Variants in MRTFB observed in about 807,000 individuals in gnomAD.
MRTFB encodes the protein myocardin-related transcription factor B.
In MRTFB, 29 loss-of-function variants were observed where a neutral mutation model predicts 104.2. The ratio of observed to expected loss-of-function variants is 0.28; its 90% CI spans 0.21 to 0.38. The LOEUF is 0.38. Among genes scored for constraint, MRTFB ranks in the 10% least tolerant of loss-of-function variants. The pLI, the probability that MRTFB is intolerant of heterozygous loss-of-function variation, is 1.00. For synonymous variants in MRTFB, 535 were observed against 519.5 expected, an observed-to-expected ratio of 1.03 and a Z score of -0.41; for missense variants, 1,270 against 1,341.6, an observed-to-expected ratio of 0.95 and a Z score of 0.83.
chr16:14,220,049 C>T (rs920816593), intron 8 of MRTFB, among the ~76,000 whole-genome samples: 10 of 152,184 alleles, frequency 6.6e-5, no homozygotes, highest in African/African-American at 2.4e-4. Context: ...TTGGACTCAT[C>T]AGTGGTAGTG....
intron 2 of MRTFB, among the ~76,000 whole-genome samples, chr16:14,085,632 A>G (rs1031159397): frequency 8.5e-5 from 13 of 152,078 alleles, no homozygotes; most frequent in Non-Finnish European, 1.8e-4. Flanking sequence ...GTTTACATCC[A>G]GCACCTAATA....
chr16:14,101,251 A>G (rs906648998), intron 2 of MRTFB, among the ~76,000 whole-genome samples: 1 of 151,880 alleles, frequency 6.6e-6, no homozygotes, highest in Admixed American at 6.6e-5. Context: ...AAGTTAAGAC[A>G]CAAAGTTAAG....
At chr16:14,010,816 G>T in the MRTFB span, among the ~76,000 whole-genome samples, 2 of 152,216 alleles carry the variant, frequency 1.3e-5, no homozygotes, top group African/African-American at 2.4e-5. Flanking sequence ...AAATTAAATA[G>T]CATTAAACAT....
intron 3 of MRTFB, among the ~76,000 whole-genome samples, chr16:14,166,215 TTC>T (rs1370352626): frequency 6.4e-5 from 9 of 140,334 alleles, no homozygotes; most frequent in African/African-American, 2.7e-4. Context: ...GGGTTTTCTT[TTC>T]TTTTTTTTTT....
At chr16:14,173,710 A>G (rs186459931) in intron 3 of MRTFB, among the ~76,000 whole-genome samples, 2 of 152,290 alleles carry the variant, frequency 1.3e-5, no homozygotes, top group African/African-American at 2.4e-5. Context: ...TGCATGTAAA[A>G]TAGAACTTTT....
chr16:14,076,379 GA>G (rs2034053993), intron 1 of MRTFB, among the ~76,000 whole-genome samples: 2 of 152,058 alleles, frequency 1.3e-5, no homozygotes, highest in African/African-American at 4.8e-5. Flanking sequence ...ATTTTTAGTA[GA>G]GATGGCGTTT....
chr16:14,250,170 A>AT (rs1210684733), intron 13 of MRTFB, among the ~76,000 whole-genome samples: 1 of 152,202 alleles, frequency 6.6e-6, no homozygotes, highest in African/African-American at 2.4e-5. Flanking sequence ...AAAGGAAGTA[A>AT]TTTTTTACCA....
the MRTFB span, among the ~76,000 whole-genome samples, chr16:14,039,760 CTTTTTT>C: frequency 8.2e-6 from 1 of 121,938 alleles, no homozygotes; most frequent in African/African-American, 3.1e-5. Flanking sequence ...ATAATATGTT[CTTTTTT>C]TTTTTTTTTT....
chr16:14,016,717 G>A, the MRTFB span, among the ~76,000 whole-genome samples: 2 of 141,744 alleles, frequency 1.4e-5, no homozygotes, highest in East Asian at 2.1e-4. Flanking sequence ...AGGTTGCGGC[G>A]AGCCGAGATC....
intron 2 of MRTFB, among the ~76,000 whole-genome samples, chr16:14,090,803 G>A (rs2035010159): frequency 6.6e-6 from 1 of 152,028 alleles, no homozygotes; most frequent in Non-Finnish European, 1.5e-5. Flanking sequence ...ATAGAGGTGT[G>A]ACGACTCTGA....
chr16:14,102,891 C>T (rs888229813), intron 2 of MRTFB, among the ~76,000 whole-genome samples: 3 of 152,118 alleles, frequency 2.0e-5, no homozygotes, highest in Admixed American at 2.0e-4. Context: ...CATGCTGTTG[C>T]ATTAGCTTTA....
the MRTFB span, among the ~76,000 whole-genome samples, chr16:14,059,631 A>G: frequency 6.6e-6 from 1 of 152,192 alleles, no homozygotes; most frequent in Non-Finnish European, 1.5e-5. Flanking sequence ...TGAGTGTCCA[A>G]GGATTATGCC....
intron 13 of MRTFB, among the ~76,000 whole-genome samples, chr16:14,250,786 A>G (rs1052087618): frequency 3.9e-5 from 6 of 152,352 alleles, no homozygotes; most frequent in African/African-American, 1.4e-4. Context: ...GGCCAGGCGC[A>G]GGACAGCAGA....
chr16:14,035,951 C>T, the MRTFB span, among the ~76,000 whole-genome samples: 5 of 151,248 alleles, frequency 3.3e-5, no homozygotes, highest in African/African-American at 7.3e-5. Context: ...TAACTTAGCT[C>T]CCACTTATGA....
At chr16:14,208,720 G>A (rs1230361639) in intron 3 of MRTFB, among the ~76,000 whole-genome samples, 3 of 152,156 alleles carry the variant, frequency 2.0e-5, no homozygotes, top group African/African-American at 4.8e-5. Context: ...AGATGCACAG[G>A]TCAGCTCCTT....
the MRTFB span, among the ~76,000 whole-genome samples, chr16:14,054,785 C>G: frequency 2.0e-5 from 3 of 152,152 alleles, no homozygotes; most frequent in African/African-American, 7.2e-5. Context: ...TAAAGTTCTC[C>G]CCCAAGGAAT....
Position 14,260,990 on chromosome 16 carries a change from T to C in MRTFB, c.2846T>C (p.Val949Ala). Residue 949 changes from valine (V) to alanine (A), a missense_variant, in exon 17 of 17, where the codon GTG (valine) becomes GCG (alanine). Val to Ala is a moderately conservative substitution (Grantham distance 64). Around this residue, in one of 3 missense-constraint regions of MRTFB, gnomAD observed 1,144 missense variants for 1,131.5 expected, o/e 1.01. Transcript: ENST00000571589. ...ACAGCCAGCATCACCACAATGCCAG[T>C]GAATACAGTGGTGTCCCGGCCACCA... Reference protein sequence around the residue: ...PVTASITTMPVNTVVSRPPPQ... With the variant: ...PVTASITTMPANTVVSRPPPQ... 6.2e-7 allele frequency: 1 copy of C among 1,614,166 alleles called. No individual in the cohort carries two copies. The highest frequency in any genetic ancestry group is 1.3e-5 in the African/African-American group (1 of 75,052).
chr16:14,044,055 G>C, the MRTFB span, among the ~76,000 whole-genome samples: 1 of 152,162 alleles, frequency 6.6e-6, no homozygotes, highest in Non-Finnish European at 1.5e-5. Flanking sequence ...CCATTTAGGT[G>C]ATCCCACCAA....
intron 15 of MRTFB, 115 bp downstream of exon 15, chr16:14,252,617 C>T: frequency 1.6e-6 from 2 of 1,215,258 alleles, no homozygotes. Context: ...AATAGAAATA[C>T]AAAAATAACC....
Sources: allele counts gnomAD v4.1 joint callset (sites outside exome capture counted in the v4.1 genomes callset), GRCh38; gene constraint gnomAD v4.1.1; regional missense constraint gnomAD v4.1.1; transcripts MANE v1.5; gene names NCBI Gene and HGNC (gene_info 2026-07-23, HGNC 2026-07-21).